BCLAF3: variants seen among roughly 807,000 people sequenced by gnomAD.
BCLAF3 encodes the protein transient octamer binding factor 1.
A neutral mutation model predicts 51.2 loss-of-function variants in BCLAF3; 24 were observed. The observed-to-expected ratio is 0.47, with a 90% CI of 0.34 to 0.66. The LOEUF (loss-of-function observed/expected upper bound fraction) is 0.66, where lower values mean the gene tolerates loss of function less well. Ranked by LOEUF, BCLAF3 falls within the 30% of genes least tolerant of loss-of-function variation. The probability of loss-of-function intolerance (pLI) is 0.01; values close to 1 mark genes in which losing one functional copy is unlikely to be tolerated. For missense variants in BCLAF3, 465 were observed against 525.1 expected (o/e 0.89, Z 1.12); for synonymous variants, 152 against 176.6 (o/e 0.86, Z 1.10).
intron 1 of BCLAF3, among the ~76,000 whole-genome samples, chrX:19,978,006 G>A (rs796359338): frequency 1.8e-5 from 2 of 109,205 alleles, no homozygotes; most frequent in South Asian, 7.9e-4. Context: ...CCAATGTTGA[G>A]ACCTACTGCT....
At chrX:19,970,124 A>G (rs992552409) in intron 2 of BCLAF3, 100 bp downstream of exon 2, 2 of 674,102 alleles carry the variant, frequency 3.0e-6, no homozygotes, top group African/African-American at 4.3e-5. Context: ...ACCTACTGTG[A>G]ATAACCAGGT....
intron 8 of BCLAF3, among the ~76,000 whole-genome samples, chrX:19,945,418 G>C (rs1040041992): frequency 5.6e-5 from 6 of 106,816 alleles, no homozygotes; most frequent in Non-Finnish European, 5.8e-5. Flanking sequence ...TCTACTTTTG[G>C]TCTTTGATGA....
At chrX:19,930,140 G>A (rs2070492912) in intron 10 of BCLAF3, 200 bp from the exon 11 acceptor site, 3 of 290,775 alleles carry the variant, frequency 1.0e-5, no homozygotes, top group East Asian at 5.7e-5. Flanking sequence ...GTGAAACCCC[G>A]TCTCTACTAA....
chrX:19,946,274 C>G (rs972349720), intron 8 of BCLAF3, among the ~76,000 whole-genome samples: 2 of 112,432 alleles, frequency 1.8e-5, no homozygotes, highest in African/African-American at 6.5e-5. Flanking sequence ...GGGGCTGTTC[C>G]CATTCGGCCA....
At chrX:19,945,185 T>G (rs940616896) in intron 8 of BCLAF3, among the ~76,000 whole-genome samples, 1 of 110,066 alleles carries the variant, frequency 9.1e-6, no homozygotes, top group African/African-American at 3.3e-5. Context: ...CTAATTTTTT[T>G]TCAAAGTTTT....
chrX:19,922,166 A>G (rs2070187572), intron 11 of BCLAF3, among the ~76,000 whole-genome samples: 1 of 111,553 alleles, frequency 9.0e-6, no homozygotes, highest in Non-Finnish European at 1.9e-5. Flanking sequence ...ACCTGAGGTC[A>G]GGAGTTCGAG....
rs757868018 is a variant in BCLAF3 at position 19,913,695 on chromosome X, C to G, written c.*3610G>C. 1 of 110,577 alleles carries G rather than the reference C, an allele frequency of 9.0e-6. No individual in the cohort carries two copies. 9.1% of individuals were successfully genotyped at this position (110,577 alleles called of 1,213,427 possible). Reference sequence around the variant, plus strand: ...ACTTTGAGAACCACTGTATTAAGGTCAAGGAAAAAAAAGATTGTGGAAAAA... The same window carrying G: ...ACTTTGAGAACCACTGTATTAAGGTGAAGGAAAAAAAAGATTGTGGAAAAA... On this transcript the variant is annotated 3_prime_UTR_variant, in exon 12 of 12. Transcript: ENST00000379682.
intron 1 of BCLAF3, among the ~76,000 whole-genome samples, chrX:19,988,765 G>A (rs1279738699): frequency 3.6e-5 from 4 of 112,131 alleles, no homozygotes; most frequent in Admixed American, 1.9e-4. Context: ...TGAGGAAAGA[G>A]TACCTTAGAA....
intron 8 of BCLAF3, among the ~76,000 whole-genome samples, chrX:19,941,014 A>G (rs1311787248): frequency 3.6e-5 from 4 of 110,552 alleles, no homozygotes; most frequent in Admixed American, 2.9e-4. Flanking sequence ...CATTTCTCTG[A>G]TGGCCAGTGA....
At chrX:19,988,826 T>G (rs190984387) in intron 1 of BCLAF3, among the ~76,000 whole-genome samples, 139 of 111,568 alleles carry the variant, frequency 1.2e-3, no homozygotes, top group African/African-American at 4.2e-3. Flanking sequence ...TTCAAGGGGA[T>G]CCTAACTTTA....
At chrX:19,959,630 T>C (rs1455452798) in intron 4 of BCLAF3, among the ~76,000 whole-genome samples, 1 of 103,303 alleles carries the variant, frequency 9.7e-6, no homozygotes, top group Non-Finnish European at 2.0e-5. Flanking sequence ...AAAAAAAAAA[T>C]AGCCAGGCAT....
At chrX:19,948,536 C>T (rs2071380996) in intron 8 of BCLAF3, among the ~76,000 whole-genome samples, 1 of 109,842 alleles carries the variant, frequency 9.1e-6, no homozygotes, top group South Asian at 3.9e-4. Flanking sequence ...GAGACTGAGT[C>T]GGGTAGATCC....
chrX:19,929,725 T>C (rs1407592002), intron 11 of BCLAF3, 60 bp downstream of exon 11: 22 of 1,067,928 alleles, frequency 2.1e-5, no homozygotes, highest in Admixed American at 1.2e-4. Context: ...CTAATGAACA[T>C]AGATAATCTA....
Position 19,953,759 on chromosome X carries a change from T to C in BCLAF3, c.1565+19A>G, listed in dbSNP as rs1275948838. ...ATCCCCATTAGTTAAATGGGTATAA[T>C]ATGGTAATCAATCATTACCTGTGTA... On this transcript the variant is annotated intron_variant, in intron 6 of 11. Transcript: ENST00000379682. 8.9e-7 allele frequency: 1 copy of C among 1,126,002 alleles called. No homozygotes were observed. The highest frequency in any genetic ancestry group is 1.2e-6 in the Non-Finnish European group (1 of 821,360). The allele number at this position is 1,126,002 out of a possible 1,213,427, so 92.8% of individuals were successfully genotyped here.
intron 11 of BCLAF3, 56 bp from the exon 12 acceptor site, chrX:19,917,390 G>A: frequency 9.7e-7 from 1 of 1,032,353 alleles, no homozygotes; most frequent in Non-Finnish European, 1.4e-6. Flanking sequence ...AAACATCTGA[G>A]CTAGTTTTGT....
intron 8 of BCLAF3, among the ~76,000 whole-genome samples, chrX:19,939,956 G>C (rs191246009): frequency 8.9e-6 from 1 of 112,183 alleles, no homozygotes; most frequent in Admixed American, 9.4e-5. Flanking sequence ...CTGTTCAATG[G>C]AAACAGACTT....
chrX:19,939,113 C>T (rs1276731468), intron 8 of BCLAF3, among the ~76,000 whole-genome samples: 2 of 111,478 alleles, frequency 1.8e-5, no homozygotes, highest in South Asian at 7.5e-4. Context: ...GACAGTAGAT[C>T]AAAAGAGTAA....
In BCLAF3 at chrX:19,923,841, A is replaced by AT. The variant is rs201348187; in HGVS notation, c.2106+5943dup. Among the ~76,000 whole-genome samples the AT allele has an allele frequency of 4.6e-3, 399 of 85,808 alleles. 1 individual carries two copies. Among genetic ancestry groups the AT allele is most frequent in the East Asian group, 0.012 (40 of 3,329 alleles). 74.5% of individuals were successfully genotyped at this position (85,808 alleles called of 115,157 possible). A position where few individuals can be genotyped will look rare whatever the true frequency, so the allele number is the denominator to read the frequency against. On this transcript the variant is annotated intron_variant, in intron 11 of 11. Coordinates refer to ENST00000379682, the MANE Select transcript of BCLAF3 (RefSeq NM_001367774.2). ...TCAATGCAAGTTTGATTATTTATTT[A>AT]TTTATTTTTTTTTTTTTTGAGACAG...
intron 11 of BCLAF3, among the ~76,000 whole-genome samples, chrX:19,919,169 T>C (rs1454153326): frequency 8.9e-6 from 1 of 111,763 alleles, no homozygotes; most frequent in Non-Finnish European, 1.9e-5. Flanking sequence ...GCTTTAGCCC[T>C]TTCTATGTCT....
Sources: allele counts gnomAD v4.1 joint callset (sites outside exome capture counted in the v4.1 genomes callset), GRCh38; gene constraint gnomAD v4.1.1; transcripts MANE v1.5; gene names NCBI Gene and HGNC (gene_info 2026-07-23, HGNC 2026-07-21).